The following ABL1 variants were observed in gnomAD, a reference collection of about 807,000 sequenced individuals.
ABL1 encodes the protein tyrosine-protein kinase ABL1.
In ABL1, 11 loss-of-function variants were observed where a neutral mutation model predicts 94.7. The ratio of observed to expected loss-of-function variants is 0.12; its 90% CI spans 0.07 to 0.19. ABL1 has a LOEUF of 0.19. ABL1 is among the 10% of genes least tolerant of loss of function. ABL1 has a pLI of 1.00. For synonymous variants in ABL1, 656 were observed against 622.4 expected, an observed-to-expected ratio of 1.05 and a Z score of -0.80; for missense variants, 1,082 against 1,489.4, an observed-to-expected ratio of 0.73 and a Z score of 4.50.
intron 7 of ABL1, among the ~76,000 whole-genome samples, chr9:130,875,505 A>G (rs905974830): frequency 6.7e-6 from 1 of 150,242 alleles, no homozygotes; most frequent in African/African-American, 2.4e-5. Flanking sequence ...TGCACAGTGT[A>G]TCTGCTGATC....
intron 1 of ABL1, among the ~76,000 whole-genome samples, chr9:130,791,529 T>G (rs545841190): frequency 1.1e-4 from 16 of 152,016 alleles, no homozygotes; most frequent in Non-Finnish European, 2.2e-4. Context: ...GTGGGCACCA[T>G]CCAGTTGGTT....
chr9:130,743,511 A>G (rs1016161528), intron 1 of ABL1, among the ~76,000 whole-genome samples: 1 of 152,208 alleles, frequency 6.6e-6, no homozygotes, highest in African/African-American at 2.4e-5. Flanking sequence ...GAGAGTGGCT[A>G]TAGATTCTAG....
chr9:130,731,256 C>T (rs910512015), intron 1 of ABL1, among the ~76,000 whole-genome samples: 3 of 152,100 alleles, frequency 2.0e-5, no homozygotes, highest in African/African-American at 4.8e-5. Flanking sequence ...ATCCACCCAC[C>T]TTGGCCTCCC....
intron 1 of ABL1, among the ~76,000 whole-genome samples, chr9:130,838,709 C>G (rs930871349): frequency 3.3e-5 from 5 of 152,206 alleles, no homozygotes; most frequent in Non-Finnish European, 5.9e-5. Flanking sequence ...CTGATTATTT[C>G]TTTCCCCTGG....
intron 1 of ABL1, among the ~76,000 whole-genome samples, chr9:130,763,738 C>T (rs1028890404): frequency 6.6e-6 from 1 of 152,204 alleles, no homozygotes; most frequent in African/African-American, 2.4e-5. Flanking sequence ...CAAGAGATCA[C>T]AAGGCAGAAG....
chr9:130,876,657 G>A (rs961083411), intron 7 of ABL1, among the ~76,000 whole-genome samples: 2 of 151,480 alleles, frequency 1.3e-5, no homozygotes, highest in Non-Finnish European at 2.9e-5. Flanking sequence ...CTGAGCTCAG[G>A]CAGTCCACCT....
At chr9:130,855,705 T>A (rs1020239287) in intron 3 of ABL1, among the ~76,000 whole-genome samples, 10 of 151,924 alleles carry the variant, frequency 6.6e-5, no homozygotes, top group Non-Finnish European at 1.5e-4. Context: ...TCCTTAAGAG[T>A]CCATAAAGAG....
At chr9:130,832,457 A>G (rs1830504993), upstream of ABL1, among the ~76,000 whole-genome samples, 1 of 152,120 alleles carries the variant, frequency 6.6e-6, no homozygotes, top group African/African-American at 2.4e-5. Context: ...TTTCACTTAA[A>G]TTGGAAATTT....
intron 1 of ABL1, among the ~76,000 whole-genome samples, chr9:130,839,953 G>T: frequency 6.6e-6 from 1 of 152,152 alleles, no homozygotes. Context: ...CGCATTCACC[G>T]AGGCTCACTG....
Position 130,887,640 on chromosome 9 carries a change from T to C in ABL1, c.*1957T>C. On this transcript the variant is annotated 3_prime_UTR_variant, in exon 11 of 11. Coordinates refer to ENST00000318560, the MANE Select transcript of ABL1 (RefSeq NM_005157.6). Reference sequence around the variant, plus strand: ...TTTTTGAATCCAAATCTGTCCTCTGTAGTATTTTTTAAATAAATCAGTGTT... The same window carrying C: ...TTTTTGAATCCAAATCTGTCCTCTGCAGTATTTTTTAAATAAATCAGTGTT... The C allele has an allele frequency of 4.4e-6, 1 of 226,960 alleles. No homozygotes were observed. Among genetic ancestry groups the C allele is most frequent in the Non-Finnish European group, 8.8e-6 (1 of 113,838 alleles). 14.1% of individuals were successfully genotyped at this position (226,960 alleles called of 1,614,324 possible). A position where few individuals can be genotyped will look rare whatever the true frequency, so the allele number is the denominator to read the frequency against.
chr9:130,717,548 A>T (rs1831458168), intron 1 of ABL1, among the ~76,000 whole-genome samples: 2 of 151,846 alleles, frequency 1.3e-5, no homozygotes, highest in African/African-American at 4.8e-5. Context: ...ACAGAAATTT[A>T]AAAAATTAGC....
chr9:130,837,639 G>A (rs1175227040), intron 1 of ABL1, among the ~76,000 whole-genome samples: 1 of 152,008 alleles, frequency 6.6e-6, no homozygotes, highest in Non-Finnish European at 1.5e-5. Flanking sequence ...TTCTTACTGA[G>A]TTTTCTTCTT....
rs187241165 is a variant in ABL1 at position 130,827,655 on chromosome 9, G to A, written c.137-26409G>A. On this transcript the variant is annotated intron_variant, in intron 1 of 10. Transcript: ENST00000372348. ...CACGCCTGTAATCCCAACACTTTGGGAGGCTGAGGTGGACAGTTCACCTGC... is the reference window on the plus strand; with the variant it reads ...CACGCCTGTAATCCCAACACTTTGGAAGGCTGAGGTGGACAGTTCACCTGC... Among the ~76,000 whole-genome samples the A allele has an allele frequency of 1.1e-4, 16 of 152,266 alleles. No homozygotes were observed. In the East Asian group the frequency reaches 3.1e-3, roughly 29 times the overall value.
intron 1 of ABL1, among the ~76,000 whole-genome samples, chr9:130,776,314 G>A: frequency 6.6e-6 from 1 of 152,174 alleles, no homozygotes; most frequent in East Asian, 1.9e-4. Flanking sequence ...GCTGTGGTGA[G>A]GCTGGGCGCG....
intron 1 of ABL1, among the ~76,000 whole-genome samples, chr9:130,849,961 A>G (rs1244348021): frequency 6.6e-6 from 1 of 152,126 alleles, no homozygotes. Flanking sequence ...TTTCTAATAT[A>G]ATGACAGTGG....
chr9:130,848,994 A>C (rs533639138), intron 1 of ABL1, among the ~76,000 whole-genome samples: 1 of 152,070 alleles, frequency 6.6e-6, no homozygotes, highest in African/African-American at 2.4e-5. Context: ...CACCACCCTG[A>C]GTTAACTACT....
At chr9:130,826,935 G>T (rs895913092) in intron 1 of ABL1, among the ~76,000 whole-genome samples, 4 of 152,144 alleles carry the variant, frequency 2.6e-5, no homozygotes, top group Non-Finnish European at 4.4e-5. Context: ...AAAATTAGCC[G>T]GGCGTGGTGG....
chr9:130,714,096 TTGA>T, exon 1 of ABL1: 1 of 415,266 alleles, frequency 2.4e-6, no homozygotes, highest in Non-Finnish European at 4.2e-6. Flanking sequence ...TTACATGAAA[TTGA>T]TAACCGCGAA....
chr9:130,754,693 A>AGG (rs1490856627), intron 1 of ABL1, among the ~76,000 whole-genome samples: 1 of 151,848 alleles, frequency 6.6e-6, no homozygotes, highest in Admixed American at 6.6e-5. Flanking sequence ...CTTGGAAGCC[A>AGG]GTGATTATTG....
Sources: allele counts gnomAD v4.1 joint callset (sites outside exome capture counted in the v4.1 genomes callset), GRCh38; gene constraint gnomAD v4.1.1; transcripts MANE v1.5; gene names NCBI Gene and HGNC (gene_info 2026-07-23, HGNC 2026-07-21).